The following TWIST2 variants were observed in gnomAD, a reference collection of about 807,000 sequenced individuals.
The protein encoded by TWIST2 is twist-related protein 2.
A neutral mutation model predicts 11.6 loss-of-function variants in TWIST2; 1 was observed. The ratio of observed to expected loss-of-function variants is 0.09; its 90% CI spans 0.03 to 0.41. The LOEUF is 0.41. TWIST2 is among the 10% of genes least tolerant of loss of function. The probability of loss-of-function intolerance (pLI) is 0.98; values close to 1 mark genes in which losing one functional copy is unlikely to be tolerated. For synonymous variants in TWIST2, 87 were observed against 96.6 expected (o/e 0.90, Z 0.58); for missense variants, 168 against 226.4 (o/e 0.74, Z 1.66).
chr2:238,907,746 AAC>A (rs1243899279), intron 1 of TWIST2, among the ~76,000 whole-genome samples: 12 of 128,828 alleles, frequency 9.3e-5, no homozygotes, highest in South Asian at 7.6e-4. Context: ...AAACGCACAC[AAC>A]ACACACACAA....
At position 238,881,420 on chromosome 2, in the gene TWIST2, TGTTA is replaced by T. The variant is rs1256456137; in HGVS notation, c.*36-28419_*36-28416del. On this transcript the variant is annotated intron_variant, in intron 1 of 1. Coordinates refer to ENST00000612363, the MANE Select transcript of TWIST2 (RefSeq NM_001271893.4). ...TTATTAGTGTCAGTGTCAGTGTTAG[TGTTA>T]GTATTAGTGTCGGTATTTATTAGTA... Among the ~76,000 whole-genome samples, 6 of 151,750 alleles carry T rather than the reference TGTTA, an allele frequency of 4.0e-5. No individual in the cohort carries two copies. The South Asian group carries it at 8.3e-4, about 21-fold the overall frequency.
At chr2:238,901,143 A>C (rs1291803728) in intron 1 of TWIST2, among the ~76,000 whole-genome samples, 12 of 151,642 alleles carry the variant, frequency 7.9e-5, no homozygotes, top group Non-Finnish European at 1.2e-4. Context: ...ATGCTGGCTA[A>C]TTTTTGTATT....
At position 238,848,646 on chromosome 2, in the gene TWIST2, C is replaced by T; in HGVS notation, c.431C>T (p.Ala144Val). The change falls in exon 1 of 2, where the codon GCC becomes GTC. Residue 144 changes from alanine (A) to valine (V), a missense_variant. Ala to Val is a moderately conservative substitution (Grantham distance 64). This residue lies in a region of TWIST2 where 62 missense variants were observed against 75.3 expected (regional missense o/e 0.82). Transcript: ENST00000612363. ...SYVAHERLSY[A>V]FSVWRMEGAW... ...GTGGCCCACGAGCGCCTCAGCTACG[C>T]CTTCTCCGTGTGGCGCATGGAGGGC... 6.5e-7 allele frequency: 1 copy of T among 1,537,904 alleles called. No individual in the cohort carries two copies. Among genetic ancestry groups the T allele is most frequent in the Non-Finnish European group, 8.7e-7 (1 of 1,147,640 alleles).
rs762172347 is a variant in TWIST2, at chr2:238,892,452, C to A, written c.*36-17390C>A. Among the ~76,000 whole-genome samples the A allele has an allele frequency of 2.6e-5, 4 of 152,130 alleles. No individual in the cohort carries two copies. The East Asian group carries it at 7.7e-4, about 29-fold the overall frequency. On this transcript the variant is annotated intron_variant, in intron 1 of 1. Transcript: ENST00000612363. ...TCCTGCCCCTGAAATTTACTTTTTC[C>A]CTCTAATATGGTTTTTTGTTTGTTT...
intron 1 of TWIST2, among the ~76,000 whole-genome samples, chr2:238,858,215 C>T (rs1362760878): frequency 6.6e-6 from 1 of 152,208 alleles, no homozygotes; most frequent in Non-Finnish European, 1.5e-5. Flanking sequence ...GGCGCATCCA[C>T]CGGGCTTTCT....
chr2:238,881,405 CA>C (rs1386829254), intron 1 of TWIST2, among the ~76,000 whole-genome samples: 3 of 148,458 alleles, frequency 2.0e-5, no homozygotes, highest in African/African-American at 5.1e-5. Context: ...TTATTAGTGT[CA>C]GTGTCAGTGT....
At chr2:238,875,451 A>T (rs1479916107) in intron 1 of TWIST2, among the ~76,000 whole-genome samples, 5 of 152,160 alleles carry the variant, frequency 3.3e-5, no homozygotes, top group Non-Finnish European at 7.3e-5. Flanking sequence ...AAGATCAAAG[A>T]TGAGGAAATT....
rs1013937627 is a variant in TWIST2 at position 238,868,436 on chromosome 2, A to C, written c.*35+19703A>C. On this transcript the variant is annotated intron_variant, in intron 1 of 1. Transcript: ENST00000612363. ...AAGCCTGCCCACTTCGGACAGGGGC[A>C]GGGTGGAGAGCCTCAGTGGGGGATG... 2.6e-5 allele frequency among the ~76,000 whole-genome samples: 4 copies of C among 152,334 alleles called. No homozygotes were observed. In the East Asian group the frequency reaches 5.8e-4, roughly 22 times the overall value.
intron 1 of TWIST2, among the ~76,000 whole-genome samples, chr2:238,852,517 A>G (rs1196658184): frequency 1.3e-5 from 2 of 152,250 alleles, no homozygotes; most frequent in African/African-American, 4.8e-5. Context: ...CATAAAGGAG[A>G]AACAGAATCT....
intron 1 of TWIST2, among the ~76,000 whole-genome samples, chr2:238,853,267 C>G (rs1022901748): frequency 1.3e-5 from 2 of 152,218 alleles, no homozygotes; most frequent in South Asian, 2.1e-4. Flanking sequence ...AGCATACACA[C>G]ACAATTCTAA....
chr2:238,858,304 G>A (rs1249774874), intron 1 of TWIST2, among the ~76,000 whole-genome samples: 2 of 152,098 alleles, frequency 1.3e-5, no homozygotes, highest in Non-Finnish European at 2.9e-5. Flanking sequence ...ATACATGATC[G>A]GTGTGACTCT....
intron 1 of TWIST2, among the ~76,000 whole-genome samples, chr2:238,899,487 G>T (rs889054786): frequency 3.9e-5 from 6 of 152,300 alleles, no homozygotes; most frequent in Admixed American, 2.6e-4. Flanking sequence ...CTGAGAGCTG[G>T]ACAGGTTAAT....
In TWIST2 at chr2:238,883,616, G is replaced by A. The variant is rs186654196; in HGVS notation, c.*36-26226G>A. Among the ~76,000 whole-genome samples, 741 of 152,260 alleles carry A rather than the reference G, an allele frequency of 4.9e-3. 5 individuals carry two copies. Among genetic ancestry groups the A allele is most frequent in the African/African-American group, 0.017 (701 of 41,538 alleles). Reference sequence around the variant, plus strand: ...ATGGGGATTTTGAAGACAGATCAGGGAAAACATTTAGCATTTGAGCAGAAG... The same window carrying A: ...ATGGGGATTTTGAAGACAGATCAGGAAAAACATTTAGCATTTGAGCAGAAG... On this transcript the variant is annotated intron_variant, in intron 1 of 1. Coordinates refer to ENST00000612363, the MANE Select transcript of TWIST2 (RefSeq NM_001271893.4).
intron 1 of TWIST2, among the ~76,000 whole-genome samples, chr2:238,874,503 G>A (rs937291178): frequency 6.6e-6 from 1 of 152,140 alleles, no homozygotes; most frequent in East Asian, 1.9e-4. Context: ...CAATAAAAAA[G>A]CGAGCTTTCG....
At chr2:238,878,168 C>G (rs1466634127) in intron 1 of TWIST2, among the ~76,000 whole-genome samples, 1 of 152,176 alleles carries the variant, frequency 6.6e-6, no homozygotes, top group African/African-American at 2.4e-5. Flanking sequence ...TGGTAAACAG[C>G]TCTCATGGTG....
At chr2:238,905,938 T>TGC (rs1268842981) in intron 1 of TWIST2, among the ~76,000 whole-genome samples, 2,975 of 142,530 alleles carry the variant, frequency 0.021, 46 homozygotes, top group East Asian at 0.05. Context: ...TGTGCGCGTG[T>TGC]GTGTGCGCGC....
At chr2:238,880,823 A>T (rs971176636) in intron 1 of TWIST2, among the ~76,000 whole-genome samples, 11 of 122,570 alleles carry the variant, frequency 9.0e-5, no homozygotes, top group Admixed American at 8.8e-5. Context: ...TAGTGTTAGT[A>T]TTTATTGGTA....
intron 1 of TWIST2, among the ~76,000 whole-genome samples, chr2:238,903,068 G>T: frequency 7.8e-6 from 1 of 127,432 alleles, no homozygotes; most frequent in African/African-American, 3.1e-5. Context: ...GTGTGATGTA[G>T]TGTGTGTGAT....
intron 1 of TWIST2, among the ~76,000 whole-genome samples, chr2:238,897,657 G>A (rs1393203627): frequency 1.5e-4 from 23 of 152,170 alleles, no homozygotes; most frequent in African/African-American, 5.1e-4. Context: ...ACTCTCTACC[G>A]TGAAAGCAGC....
Sources: allele counts gnomAD v4.1 joint callset (sites outside exome capture counted in the v4.1 genomes callset), GRCh38; gene constraint gnomAD v4.1.1; regional missense constraint gnomAD v4.1.1; transcripts MANE v1.5; gene names NCBI Gene and HGNC (gene_info 2026-07-23, HGNC 2026-07-21).